The following SEMA6A variants were observed in gnomAD, a reference collection of about 807,000 sequenced individuals.
The protein encoded by SEMA6A is semaphorin-6A.
In SEMA6A, 25 loss-of-function variants were observed where a neutral mutation model predicts 96.8. The observed-to-expected ratio is 0.26, with a 90% CI of 0.19 to 0.36. SEMA6A has a LOEUF of 0.36. Ranked by LOEUF, SEMA6A falls within the 10% of genes least tolerant of loss-of-function variation. The probability of loss-of-function intolerance (pLI) is 1.00; values close to 1 mark genes in which losing one functional copy is unlikely to be tolerated. For synonymous variants in SEMA6A, 612 were observed against 518.0 expected (o/e 1.18, Z -2.46); for missense variants, 1,363 against 1,323.1 (o/e 1.03, Z -0.47).
At chr5:116,473,263 G>A (rs1264240301) in intron 16 of SEMA6A, among the ~76,000 whole-genome samples, 170 bp from the exon 17 acceptor site, 1 of 152,190 alleles carries the variant, frequency 6.6e-6, no homozygotes, top group Non-Finnish European at 1.5e-5. Flanking sequence ...TACTCAGTCC[G>A]ATTTCTCACC....
Position 116,478,029 on chromosome 5 carries a change from T to C in SEMA6A, c.1553A>G (p.His518Arg). 2 of 1,613,928 alleles carry C rather than the reference T, an allele frequency of 1.2e-6. No homozygotes were observed. ...IKVPLGRCERHGKCKKTCIAS... is the reference protein window; with the variant it reads ...IKVPLGRCERRGKCKKTCIAS... ...AAATACATACTTTTTACACTTCCCATGTCGTTCACACCGGCCAAGGGGAAC... is the reference window on the plus strand; with the variant it reads ...AAATACATACTTTTTACACTTCCCACGTCGTTCACACCGGCCAAGGGGAAC... Residue 518 changes from histidine to arginine, a missense_variant, in exon 14 of 19, where the codon CAT (histidine) becomes CGT (arginine). Around this residue, in one of 2 missense-constraint regions of SEMA6A, gnomAD observed 883 missense variants for 763.6 expected, o/e 1.16. Coordinates refer to ENST00000343348, the MANE Select transcript of SEMA6A (RefSeq NM_020796.5).
intron 1 of SEMA6A, among the ~76,000 whole-genome samples, chr5:116,573,749 T>C (rs1761339496): frequency 6.6e-6 from 1 of 151,716 alleles, no homozygotes; most frequent in South Asian, 2.1e-4. Context: ...CCTCCAGCCC[T>C]CGAGGGCAGA....
intron 18 of SEMA6A, among the ~76,000 whole-genome samples, chr5:116,459,388 C>A (rs776166064): frequency 2.6e-5 from 4 of 152,156 alleles, no homozygotes; most frequent in Non-Finnish European, 5.9e-5. Context: ...TTCCCCACTT[C>A]TACCCTCCTG....
At chr5:116,491,970 A>G (rs1580430679) in intron 6 of SEMA6A, 140 bp from the exon 7 acceptor site, 2 of 654,160 alleles carry the variant, frequency 3.1e-6, no homozygotes, top group Admixed American at 5.4e-5. Context: ...CCACTTTTAA[A>G]CTGTAGTTGA....
At chr5:116,560,887 C>A (rs571975411) in intron 1 of SEMA6A, among the ~76,000 whole-genome samples, 2 of 152,132 alleles carry the variant, frequency 1.3e-5, no homozygotes, top group Non-Finnish European at 2.9e-5. Flanking sequence ...AAGCCTCAGA[C>A]GAAATCCTCA....
At chr5:116,480,032 G>T in intron 12 of SEMA6A, 90 bp downstream of exon 12, 1 of 1,444,976 alleles carries the variant, frequency 6.9e-7, no homozygotes, top group Non-Finnish European at 9.6e-7. Flanking sequence ...GAAGATGTTT[G>T]TGGCATTTCA....
chr5:116,512,307 C>T (rs559406073), intron 1 of SEMA6A, among the ~76,000 whole-genome samples: 34 of 152,244 alleles, frequency 2.2e-4, no homozygotes, highest in African/African-American at 5.8e-4. Context: ...ATATAAGGTT[C>T]GGGCAAATGA....
At chr5:116,499,940 T>C (rs1185905157) in intron 3 of SEMA6A, among the ~76,000 whole-genome samples, 1 of 152,164 alleles carries the variant, frequency 6.6e-6, no homozygotes, top group East Asian at 1.9e-4. Flanking sequence ...TGTTATACCA[T>C]TTTTTCCCCC....
At chr5:116,504,336 G>A (rs1758038244) in intron 2 of SEMA6A, among the ~76,000 whole-genome samples, 1 of 152,072 alleles carries the variant, frequency 6.6e-6, no homozygotes, top group African/African-American at 2.4e-5. Flanking sequence ...AGAGACCAAA[G>A]GAAAGTTATA....
Position 116,574,188 on chromosome 5 carries a change from T to G in SEMA6A, c.-42A>C, listed in dbSNP as rs1761365728. On this transcript the variant is annotated 5_prime_UTR_variant, in exon 1 of 19. Coordinates refer to ENST00000343348, the MANE Select transcript of SEMA6A (RefSeq NM_020796.5). The stretch of plus-strand genomic sequence containing the variant: ...CGCCCGGGCGCCCGGGGCGTACCTT[T>G]TCGGTGCATCGACGGACAGGCGGCC... 1 of 152,154 alleles carries G rather than the reference T, an allele frequency of 6.6e-6. No homozygotes were observed. 9.4% of individuals were successfully genotyped at this position (152,154 alleles called of 1,614,324 possible).
intron 3 of SEMA6A, among the ~76,000 whole-genome samples, chr5:116,500,250 C>G (rs1428167973): frequency 6.6e-6 from 1 of 152,162 alleles, no homozygotes; most frequent in East Asian, 1.9e-4. Context: ...AGCTCTATTC[C>G]TCAGTATGCA....
chr5:116,485,068 G>A (rs1006515536), intron 10 of SEMA6A, among the ~76,000 whole-genome samples: 1 of 152,120 alleles, frequency 6.6e-6, no homozygotes, highest in African/African-American at 2.4e-5. Flanking sequence ...TGAAAACAGA[G>A]GGACTATAAT....
chr5:116,513,380 G>A (rs909469139), intron 1 of SEMA6A, among the ~76,000 whole-genome samples: 1 of 152,146 alleles, frequency 6.6e-6, no homozygotes, highest in African/African-American at 2.4e-5. Context: ...GCCCGCCTCA[G>A]CCTCCCAAAG....
chr5:116,475,053 AT>A (rs1756380956), intron 16 of SEMA6A, among the ~76,000 whole-genome samples: 1 of 152,150 alleles, frequency 6.6e-6, no homozygotes, highest in African/African-American at 2.4e-5. Context: ...TATTTCTGAA[AT>A]TTTTTTTCCT....
chr5:116,477,574 G>C (rs975582643), intron 15 of SEMA6A, among the ~76,000 whole-genome samples: 3 of 152,092 alleles, frequency 2.0e-5, no homozygotes, highest in African/African-American at 7.2e-5. Flanking sequence ...GCACCTTCTT[G>C]TCTCTCTCTC....
chr5:116,484,241 A>G (rs1323670590), intron 10 of SEMA6A, among the ~76,000 whole-genome samples: 1 of 152,160 alleles, frequency 6.6e-6, no homozygotes, highest in Non-Finnish European at 1.5e-5. Context: ...TACTATTTGA[A>G]GTATTTTCTG....
chr5:116,537,205 T>C (rs1759754574), intron 1 of SEMA6A, among the ~76,000 whole-genome samples: 1 of 152,172 alleles, frequency 6.6e-6, no homozygotes, highest in Non-Finnish European at 1.5e-5. Flanking sequence ...TAAATACATT[T>C]CTTGAGAATA....
intron 1 of SEMA6A, among the ~76,000 whole-genome samples, chr5:116,533,617 T>C (rs963243613): frequency 2.0e-5 from 3 of 152,344 alleles, no homozygotes; most frequent in African/African-American, 4.8e-5. Flanking sequence ...TTGGAAGGAC[T>C]GTGAAACAAA....
intron 1 of SEMA6A, among the ~76,000 whole-genome samples, chr5:116,520,255 CTTTT>C (rs60534452): frequency 5.9e-5 from 8 of 135,376 alleles, no homozygotes; most frequent in African/African-American, 2.1e-4. Flanking sequence ...CAGCCTGATG[CTTTT>C]TTTTTTTTTT....
Sources: gnomAD v4.1 joint callset for allele counts (sites outside exome capture counted in the v4.1 genomes callset) on GRCh38, gnomAD v4.1.1 for gene constraint, gnomAD v4.1.1 regional missense constraint, MANE v1.5 for transcripts, NCBI Gene and HGNC (gene_info 2026-07-23, HGNC 2026-07-21) for gene names.